Variants in CD44 observed in about 807,000 individuals in gnomAD.
CD44 encodes the protein CD44 molecule (IN blood group).
A neutral mutation model predicts 88.8 loss-of-function variants in CD44; 49 were observed. The observed-to-expected ratio is 0.55, with a 90% CI of 0.44 to 0.70. The LOEUF (loss-of-function observed/expected upper bound fraction) is 0.70, where lower values mean the gene tolerates loss of function less well. Ranked by LOEUF, CD44 falls within the 30% of genes least tolerant of loss-of-function variation. The pLI, the probability that CD44 is intolerant of heterozygous loss-of-function variation, is 0.00. For missense variants in CD44, 883 were observed against 913.8 expected (o/e 0.97, Z 0.43); for synonymous variants, 325 against 312.3 (o/e 1.04, Z -0.43).
chr11:35,176,769 A>G (rs1386133661), intron 2 of CD44, 29 bp downstream of exon 2: 1 of 1,603,728 alleles, frequency 6.2e-7, no homozygotes, highest in East Asian at 2.2e-5. Context: ...ACCACTGGGG[A>G]AAGCTGGCGG....
At chr11:35,174,215 C>G (rs979374119) in intron 1 of CD44, among the ~76,000 whole-genome samples, 6 of 152,222 alleles carry the variant, frequency 3.9e-5, no homozygotes, top group Non-Finnish European at 7.3e-5. Flanking sequence ...TTGGGCAACT[C>G]ACTTCCCTGA....
chr11:35,164,099 A>G (rs1445007826), intron 1 of CD44, among the ~76,000 whole-genome samples: 1 of 152,096 alleles, frequency 6.6e-6, no homozygotes, highest in Non-Finnish European at 1.5e-5. Flanking sequence ...GGGGCTCAGC[A>G]GTAGAAGCTG....
At chr11:35,142,481 G>A (rs559610644) in intron 1 of CD44, among the ~76,000 whole-genome samples, 86 of 152,276 alleles carry the variant, frequency 5.6e-4, no homozygotes, top group African/African-American at 1.9e-3. Context: ...AGAGGAGAGC[G>A]TCTGAGAGCC....
At chr11:35,226,858 C>CCCT (rs1031288547) in intron 17 of CD44, among the ~76,000 whole-genome samples, 19 of 150,930 alleles carry the variant, frequency 1.3e-4, no homozygotes, top group Non-Finnish European at 7.4e-5. Context: ...CCTTCCGAGC[C>CCCT]CCTTTTCTTC....
chr11:35,208,051 C>T, intron 11 of CD44, 54 bp from the exon 12 acceptor site: 1 of 1,090,298 alleles, frequency 9.2e-7, no homozygotes, highest in South Asian at 1.2e-5. Context: ...CATAAGCCAC[C>T]TTCAGGTAGT....
intron 13 of CD44, 53 bp downstream of exon 13, chr11:35,210,107 T>C: frequency 3.9e-6 from 4 of 1,025,494 alleles, no homozygotes; most frequent in African/African-American, 1.7e-5. Context: ...ATCAATCAAT[T>C]ATGGGTACTT....
intron 14 of CD44, 140 bp from the exon 15 acceptor site, chr11:35,214,712 C>T: frequency 2.3e-6 from 1 of 427,590 alleles, no homozygotes. Flanking sequence ...CCATTCAAGG[C>T]TGTTTTGCCA....
intron 5 of CD44, among the ~76,000 whole-genome samples, chr11:35,192,346 T>G (rs1946342690): frequency 6.6e-6 from 1 of 152,212 alleles, no homozygotes. Flanking sequence ...CATAATGGCA[T>G]GCCAGGAAAA....
In CD44 at chr11:35,186,904, T is replaced by A; in HGVS notation, c.436+4T>A. The A allele has an allele frequency of 6.5e-7, 1 of 1,544,578 alleles. No homozygotes were observed. On this transcript the variant is annotated splice_donor_region_variant and intron_variant, in intron 4 of 17. Transcript: ENST00000428726. Reference sequence around the variant, plus strand: ...TTTGATGGACCAATTACCATAAGTATGTCTCTCTTCTAATCTTAATTAAAT... The same window carrying A: ...TTTGATGGACCAATTACCATAAGTAAGTCTCTCTTCTAATCTTAATTAAAT...
intron 1 of CD44, among the ~76,000 whole-genome samples, chr11:35,165,809 C>G (rs1943196705): frequency 6.6e-6 from 1 of 152,128 alleles, no homozygotes; most frequent in South Asian, 2.1e-4. Flanking sequence ...ACCAGTGCAT[C>G]CCACTCCCAG....
At chr11:35,204,722 G>T (rs1947662222) in intron 10 of CD44, 82 bp downstream of exon 10, 2 of 1,219,544 alleles carry the variant, frequency 1.6e-6, no homozygotes, top group Admixed American at 1.9e-5. Context: ...TTGAACAAAA[G>T]GACACTGGAG....
chr11:35,182,001 A>ATATATTATATATAAATTTATATT (rs1565081766), intron 3 of CD44, among the ~76,000 whole-genome samples: 1 of 109,904 alleles, frequency 9.1e-6, no homozygotes, highest in African/African-American at 3.9e-5. Context: ...ATTTATATTT[A>ATATATTATATATAAATTTATATT]TATATATGTA....
chr11:35,139,437 C>A, intron 1 of CD44, 67 bp downstream of exon 1: 7 of 1,423,792 alleles, frequency 4.9e-6, no homozygotes, highest in Non-Finnish European at 6.8e-6. Flanking sequence ...CCGGCGGCAG[C>A]CCCTCCGGCT....
intron 1 of CD44, among the ~76,000 whole-genome samples, chr11:35,141,018 TAA>T (rs113414805): frequency 4.9e-5 from 7 of 144,274 alleles, no homozygotes; most frequent in East Asian, 2.0e-4. Flanking sequence ...GTGACTCTGT[TAA>T]AAAAAAAAAA....
rs1044469453 is a variant in CD44 at position 35,145,861 on chromosome 11, G to T, written c.67+6491G>T. On this transcript the variant is annotated intron_variant, in intron 1 of 17. Transcript: ENST00000428726. ...TGTCATCTGACCAGATACTACCATAGCTTCTTCGGGGGCAAATCCGTAGGG... is the reference window on the plus strand; with the variant it reads ...TGTCATCTGACCAGATACTACCATATCTTCTTCGGGGGCAAATCCGTAGGG... 4.9e-4 allele frequency among the ~76,000 whole-genome samples: 74 copies of T among 152,178 alleles called. 1 individual carries two copies. The highest frequency in any genetic ancestry group is 5.1e-4 in the Non-Finnish European group (35 of 68,044).
chr11:35,208,049 A>G, intron 11 of CD44, 56 bp from the exon 12 acceptor site: 1 of 1,047,536 alleles, frequency 9.5e-7, no homozygotes, highest in Non-Finnish European at 1.5e-6. Flanking sequence ...ACCATAAGCC[A>G]CCTTCAGGTA....
intron 1 of CD44, among the ~76,000 whole-genome samples, chr11:35,164,058 T>C (rs1320922691): frequency 6.6e-6 from 1 of 152,092 alleles, no homozygotes; most frequent in Non-Finnish European, 1.5e-5. Context: ...AGGTACTCTA[T>C]TAGTGTTAAT....
intron 5 of CD44, among the ~76,000 whole-genome samples, chr11:35,195,774 T>C (rs1478044256): frequency 6.6e-6 from 1 of 152,122 alleles, no homozygotes; most frequent in Non-Finnish European, 1.5e-5. Context: ...GCAAGATCAT[T>C]GGGGTCACTT....
rs141654152 is a variant in CD44 at position 35,165,672 on chromosome 11, A to G, written c.68-10903A>G. On this transcript the variant is annotated intron_variant, in intron 1 of 17. Coordinates refer to ENST00000428726, the MANE Select transcript of CD44 (RefSeq NM_000610.4). The stretch of plus-strand genomic sequence containing the variant: ...ATCAACCTTCTCACTTTTATCCCCC[A>G]AGCTCCAAAATTTCATAACTTTTTA... 6.1e-3 allele frequency among the ~76,000 whole-genome samples: 926 copies of G among 152,296 alleles called. 8 individuals are homozygous for G. The highest frequency in any genetic ancestry group is 0.021 in the African/African-American group (886 of 41,546).
Sources: allele counts gnomAD v4.1 joint callset (sites outside exome capture counted in the v4.1 genomes callset), GRCh38; gene constraint gnomAD v4.1.1; transcripts MANE v1.5; gene names NCBI Gene and HGNC (gene_info 2026-07-23, HGNC 2026-07-21).